ARHGEF10: variants seen among roughly 807,000 people sequenced by gnomAD.
The protein encoded by ARHGEF10 is Rho guanine nucleotide exchange factor (GEF) 10.
Under a neutral mutation model 147.4 loss-of-function variants are expected in ARHGEF10, and 140 were observed. That is an observed-to-expected ratio of 0.95 (90% CI 0.83 to 1.09). ARHGEF10 has a LOEUF of 1.09. Ranked by LOEUF, ARHGEF10 falls within the 50% of genes least tolerant of loss-of-function variation. ARHGEF10 has a pLI of 0.00. For missense variants in ARHGEF10, 2,222 were observed against 1,752.7 expected, an observed-to-expected ratio of 1.27 and a Z score of -4.78; for synonymous variants, 902 against 695.8, an observed-to-expected ratio of 1.30 and a Z score of -4.67.
intron 2 of ARHGEF10, among the ~76,000 whole-genome samples, chr8:1,843,757 A>C (rs1269817563): frequency 1.3e-5 from 2 of 152,152 alleles, no homozygotes; most frequent in African/African-American, 4.8e-5. Flanking sequence ...GTTGTTACAG[A>C]ATGGCGCCTT....
chr8:1,939,784 T>G (rs1021022475), intron 26 of ARHGEF10, among the ~76,000 whole-genome samples: 4 of 152,126 alleles, frequency 2.6e-5, no homozygotes, highest in Admixed American at 6.5e-5. Context: ...ACAAGGAGCT[T>G]AGGTCCTGTC....
rs115692553 is a variant in ARHGEF10, at chr8:1,833,396, G to A, written c.-48+9283G>A. Among the ~76,000 whole-genome samples the A allele has an allele frequency of 6.7e-3, 273 of 41,040 alleles. 4 individuals carry two copies. The highest frequency in any genetic ancestry group is 0.028 in the African/African-American group (262 of 9,388). 26.9% of individuals were successfully genotyped at this position (41,040 alleles called of 152,430 possible). A position where few individuals can be genotyped will look rare whatever the true frequency, so the allele number is the denominator to read the frequency against. ...GACAGAGGCAGGTGCAGCGACAGGG[G>A]CAGAGACAGAGACAGAGGCAGAGAC... On this transcript the variant is annotated intron_variant, in intron 1 of 28. Coordinates refer to ENST00000349830, the MANE Select transcript of ARHGEF10 (RefSeq NM_014629.4).
intron 1 of ARHGEF10, among the ~76,000 whole-genome samples, chr8:1,836,192 A>G (rs1305987169): frequency 3.9e-5 from 5 of 129,292 alleles, no homozygotes; most frequent in Admixed American, 2.3e-4. Flanking sequence ...GAAAAAAAAA[A>G]AAGAAAAAAA....
intron 6 of ARHGEF10, among the ~76,000 whole-genome samples, chr8:1,867,084 G>T (rs550803752): frequency 2.1e-5 from 3 of 143,766 alleles, no homozygotes; most frequent in Admixed American, 1.4e-4. Flanking sequence ...TTATCTAATC[G>T]TACAAATTTA....
chr8:1,909,862 G>C (rs1406168472), intron 18 of ARHGEF10, among the ~76,000 whole-genome samples: 1 of 152,174 alleles, frequency 6.6e-6, no homozygotes. Context: ...GGTGGTTCCA[G>C]CTCGGCTCTT....
At chr8:1,830,310 G>A (rs966358371) in intron 1 of ARHGEF10, among the ~76,000 whole-genome samples, 3 of 152,238 alleles carry the variant, frequency 2.0e-5, no homozygotes, top group South Asian at 4.1e-4. Flanking sequence ...CTTGGTGGGC[G>A]CTTGACTCCT....
At chr8:1,887,771 G>GT (rs5888900) in intron 11 of ARHGEF10, among the ~76,000 whole-genome samples, 83,675 of 142,966 alleles carry the variant, frequency 0.59, 25,013 homozygotes, top group East Asian at 0.89. Context: ...TGGGGTGAGG[G>GT]TTGTGATGAG....
intron 27 of ARHGEF10, 37 bp from the exon 28 acceptor site, chr8:1,952,667 CA>C: frequency 6.2e-7 from 1 of 1,612,056 alleles, no homozygotes. Flanking sequence ...CTCTGCTACA[CA>C]AACCAGACCC....
intron 19 of ARHGEF10, 44 bp downstream of exon 19, chr8:1,923,123 T>C (rs1812424766): frequency 1.5e-6 from 2 of 1,319,408 alleles, no homozygotes; most frequent in Non-Finnish European, 2.2e-6. Context: ...CCTTTACTTA[T>C]AAGTCATTGT....
At chr8:1,884,410 A>C (rs1237975305) in intron 10 of ARHGEF10, among the ~76,000 whole-genome samples, 1 of 152,008 alleles carries the variant, frequency 6.6e-6, no homozygotes, top group East Asian at 1.9e-4. Flanking sequence ...AAAAAAAAAA[A>C]AAGGGCAAAT....
intron 21 of ARHGEF10, 80 bp from the exon 22 acceptor site, chr8:1,925,202 CT>C (rs780176094): frequency 1.3e-6 from 2 of 1,579,256 alleles, no homozygotes; most frequent in South Asian, 1.1e-5. Flanking sequence ...GAAACTTCCC[CT>C]GCTATGACCT....
intron 7 of ARHGEF10, among the ~76,000 whole-genome samples, chr8:1,872,363 A>G (rs1180225878): frequency 6.6e-6 from 1 of 152,196 alleles, no homozygotes; most frequent in African/African-American, 2.4e-5. Flanking sequence ...CCTCAGTCGC[A>G]TGCACTGTTC....
intron 8 of ARHGEF10, among the ~76,000 whole-genome samples, chr8:1,878,130 T>C (rs1807862983): frequency 6.6e-6 from 1 of 152,192 alleles, no homozygotes; most frequent in Non-Finnish European, 1.5e-5. Context: ...AGATCTTTTC[T>C]GCCACCGTCA....
chr8:1,832,901 CA>C (rs1563148963), intron 1 of ARHGEF10, among the ~76,000 whole-genome samples: 1 of 62,028 alleles, frequency 1.6e-5, no homozygotes, highest in African/African-American at 7.1e-5. Flanking sequence ...GACGCAGAGA[CA>C]GAGAGACAGA....
At chr8:1,904,080 G>A (rs1810696986) in intron 16 of ARHGEF10, 1 of 152,012 alleles carries the variant, frequency 6.6e-6, no homozygotes, top group Admixed American at 6.5e-5. Flanking sequence ...CTGGGTGATG[G>A]AGCAAAACCC....
At chr8:1,939,936 G>A (rs968165584) in intron 26 of ARHGEF10, among the ~76,000 whole-genome samples, 4 of 152,210 alleles carry the variant, frequency 2.6e-5, no homozygotes, top group Non-Finnish European at 5.9e-5. Flanking sequence ...TTTTGCAGCA[G>A]ACGGTGCTGA....
At chr8:1,950,966 C>A (rs532887361) in intron 27 of ARHGEF10, among the ~76,000 whole-genome samples, 37 of 152,246 alleles carry the variant, frequency 2.4e-4, no homozygotes, top group Non-Finnish European at 4.3e-4. Context: ...GCAGCCGCAG[C>A]CTTGCCCGGC....
At chr8:1,916,387 T>G (rs1025329813) in intron 18 of ARHGEF10, among the ~76,000 whole-genome samples, 13 of 152,384 alleles carry the variant, frequency 8.5e-5, no homozygotes, top group African/African-American at 3.1e-4. Flanking sequence ...ATGGTTTTAC[T>G]TGATTAAATA....
chr8:1,956,565 A>G (rs142021358), intron 28 of ARHGEF10, among the ~76,000 whole-genome samples, 184 bp from the exon 29 acceptor site: 19 of 152,344 alleles, frequency 1.2e-4, no homozygotes, highest in African/African-American at 2.9e-4. Flanking sequence ...CATTAAGTAA[A>G]AACCCAGAGG....
Sources: gnomAD v4.1 joint callset for allele counts (sites outside exome capture counted in the v4.1 genomes callset) on GRCh38, gnomAD v4.1.1 for gene constraint, MANE v1.5 for transcripts, NCBI Gene and HGNC (gene_info 2026-07-23, HGNC 2026-07-21) for gene names.